KAT6A: variants seen among roughly 807,000 people sequenced by gnomAD.
The protein encoded by KAT6A is lysine acetyltransferase 6A.
In KAT6A, 9 loss-of-function variants were observed where a neutral mutation model predicts 198.4. That is an observed-to-expected ratio of 0.05 (90% confidence interval 0.03 to 0.08). The LOEUF is 0.08. KAT6A is among the 10% of genes least tolerant of loss of function. The pLI is 1.00. For missense variants in KAT6A, 2,077 were observed against 2,509.9 expected (o/e 0.83, Z 3.69); for synonymous variants, 890 against 883.0 (o/e 1.01, Z -0.14).
chr8:41,966,635 C>T (rs116575440), intron 8 of KAT6A, among the ~76,000 whole-genome samples: 21 of 152,190 alleles, frequency 1.4e-4, no homozygotes, highest in South Asian at 2.1e-4. Context: ...TCTCAGGTTG[C>T]GCCAATTCTC....
chr8:41,967,471 A>G (rs1823566860), intron 8 of KAT6A, among the ~76,000 whole-genome samples: 1 of 109,858 alleles, frequency 9.1e-6, no homozygotes, highest in Non-Finnish European at 1.7e-5. Flanking sequence ...AACAGTCCTC[A>G]GAGTGTGATG....
At chr8:41,970,815 A>G (rs548263153) in intron 8 of KAT6A, among the ~76,000 whole-genome samples, 3 of 152,360 alleles carry the variant, frequency 2.0e-5, no homozygotes, top group African/African-American at 7.2e-5. Context: ...AAGACTTGGA[A>G]CCAACCCAAA....
rs1426179471 is a variant in KAT6A, at chr8:41,939,523, C to CTA, written c.3039+1317_3039+1318dup. 5.3e-5 allele frequency among the ~76,000 whole-genome samples: 8 copies of CTA among 152,290 alleles called. No homozygotes were observed. In the East Asian group the frequency reaches 9.7e-4, roughly 18 times the overall value. On this transcript the variant is annotated intron_variant, in intron 15 of 16. Coordinates refer to ENST00000265713, the MANE Select transcript of KAT6A (RefSeq NM_006766.5). ...GTAGCTAGGATTACAAGAGTGACCACTATGCCCAGCTTCCCTATACATACT... is the reference window on the plus strand; with the variant it reads ...GTAGCTAGGATTACAAGAGTGACCACTATATGCCCAGCTTCCCTATACATACT...
At chr8:42,046,769 T>C (rs1802327407) in intron 2 of KAT6A, among the ~76,000 whole-genome samples, 1 of 151,672 alleles carries the variant, frequency 6.6e-6, no homozygotes, top group Non-Finnish European at 1.5e-5. Context: ...GCATTTTAAT[T>C]ACTTGTCTAC....
chr8:42,041,944 T>C (rs1198172754), intron 2 of KAT6A, among the ~76,000 whole-genome samples: 1 of 152,190 alleles, frequency 6.6e-6, no homozygotes, highest in African/African-American at 2.4e-5. Context: ...GCAGTCCACA[T>C]AGCCCTGAAT....
chr8:41,940,965 GCGA>G lies in KAT6A; in HGVS notation c.2913_2915del (p.Arg972del), dbSNP rs1161123831. The stretch of plus-strand genomic sequence containing the variant: ...GGACAGCCCTGTCACCCTCACTGTA[GCGA>G]CGGGGCAGCCTCTCACTTCCTTCTG... On this transcript the variant is annotated inframe_deletion, in exon 15 of 17. Transcript: ENST00000265713. 6 of 1,614,164 alleles carry G rather than the reference GCGA, an allele frequency of 3.7e-6. No homozygotes were observed. The highest frequency in any genetic ancestry group is 5.1e-6 in the Non-Finnish European group (6 of 1,180,040).
chr8:41,950,668 T>C (rs898596929), intron 9 of KAT6A, among the ~76,000 whole-genome samples: 4 of 152,186 alleles, frequency 2.6e-5, no homozygotes, highest in African/African-American at 9.7e-5. Context: ...GTAAAAATGA[T>C]AGAGTAAAAA....
intron 2 of KAT6A, among the ~76,000 whole-genome samples, chr8:42,022,254 G>T (rs1257111674): frequency 6.6e-6 from 1 of 151,978 alleles, no homozygotes; most frequent in African/African-American, 2.4e-5. Flanking sequence ...ACTGTATCAG[G>T]TTTGTAAAAT....
At position 42,004,342 on chromosome 8, in the gene KAT6A, T is replaced by G. The variant is rs139727263; in HGVS notation, c.601-16779A>C. 5.3e-3 allele frequency among the ~76,000 whole-genome samples: 811 copies of G among 152,256 alleles called. 8 individuals are homozygous for G. The highest frequency in any genetic ancestry group is 0.019 in the African/African-American group (784 of 41,556). ...CTGAAGGATTCAGGAAAAAAAGAAGTAGGAGCACACTTATTTTTTAAGTAA... is the reference window on the plus strand; with the variant it reads ...CTGAAGGATTCAGGAAAAAAAGAAGGAGGAGCACACTTATTTTTTAAGTAA... On this transcript the variant is annotated intron_variant, in intron 2 of 16. Transcript: ENST00000265713.
intron 8 of KAT6A, among the ~76,000 whole-genome samples, chr8:41,961,661 G>A (rs768671379): frequency 7.3e-5 from 11 of 150,610 alleles, no homozygotes; most frequent in Non-Finnish European, 1.2e-4. Context: ...GCTGAGGCAG[G>A]AGAATCCCTT....
chr8:42,008,493 A>C (rs1825855901), intron 2 of KAT6A, among the ~76,000 whole-genome samples: 1 of 151,926 alleles, frequency 6.6e-6, no homozygotes, highest in African/African-American at 2.4e-5. Flanking sequence ...GTGCACCACC[A>C]CACCCAGCTA....
intron 8 of KAT6A, among the ~76,000 whole-genome samples, chr8:41,972,257 T>A (rs2150883194): frequency 6.6e-6 from 1 of 152,166 alleles, no homozygotes; most frequent in South Asian, 2.1e-4. Flanking sequence ...GGCAAAGAAA[T>A]GATAGAATTA....
intron 8 of KAT6A, among the ~76,000 whole-genome samples, chr8:41,971,372 T>C (rs1823786819): frequency 6.6e-6 from 1 of 152,132 alleles, no homozygotes; most frequent in African/African-American, 2.4e-5. Flanking sequence ...TAAGCTATTT[T>C]CGTGTGGATA....
At chr8:41,944,800 C>T (rs1822297065) in intron 12 of KAT6A, among the ~76,000 whole-genome samples, 1 of 152,180 alleles carries the variant, frequency 6.6e-6, no homozygotes. Flanking sequence ...CATGTCTAAT[C>T]ATGAGTCCTA....
At chr8:42,041,256 A>G (rs543794584) in intron 2 of KAT6A, among the ~76,000 whole-genome samples, 32 of 151,848 alleles carry the variant, frequency 2.1e-4, no homozygotes, top group African/African-American at 7.3e-4. Flanking sequence ...TTTTACAAAC[A>G]TATCTCTGAG....
At chr8:42,032,454 CCTT>C (rs1827178321) in intron 2 of KAT6A, among the ~76,000 whole-genome samples, 1 of 152,034 alleles carries the variant, frequency 6.6e-6, no homozygotes. Flanking sequence ...TTCCCTTTTT[CCTT>C]CTTCTCTAGG....
chr8:42,037,288 G>A (rs1827426739), intron 2 of KAT6A, among the ~76,000 whole-genome samples: 1 of 152,106 alleles, frequency 6.6e-6, no homozygotes, highest in Non-Finnish European at 1.5e-5. Context: ...ATGGAAAAAA[G>A]TAAGGCAGGA....
rs186089136 is a variant in KAT6A, at chr8:42,008,083, A to G, written c.601-20520T>C. Among the ~76,000 whole-genome samples, 757 of 152,278 alleles carry G rather than the reference A, an allele frequency of 5.0e-3. 4 individuals are homozygous for G. The highest frequency in any genetic ancestry group is 7.7e-3 in the Non-Finnish European group (523 of 68,014). ...TTTTATTGATAAGGAAAAGATACTA[A>G]GCATCAAGGCTTTAACTACATAAAA... is the stretch of plus-strand genomic sequence containing the variant. On this transcript the variant is annotated intron_variant, in intron 2 of 16. Coordinates refer to ENST00000265713, the MANE Select transcript of KAT6A (RefSeq NM_006766.5).
At chr8:42,002,960 C>T (rs1197538311) in intron 2 of KAT6A, among the ~76,000 whole-genome samples, 1 of 152,142 alleles carries the variant, frequency 6.6e-6, no homozygotes, top group Non-Finnish European at 1.5e-5. Flanking sequence ...AGGCTGTACT[C>T]CTGCCAATAA....
Sources: allele counts gnomAD v4.1 joint callset (sites outside exome capture counted in the v4.1 genomes callset), GRCh38; gene constraint gnomAD v4.1.1; transcripts MANE v1.5; gene names NCBI Gene and HGNC (gene_info 2026-07-23, HGNC 2026-07-21).